Variants in LINGO2 observed in about 807,000 individuals in gnomAD.
LINGO2 encodes leucine-rich repeat and immunoglobulin-like domain-containing nogo receptor-interacting protein 2.
In LINGO2, 14 loss-of-function variants were observed where a neutral mutation model predicts 30.6. The ratio of observed to expected loss-of-function variants is 0.46; its 90% CI spans 0.30 to 0.72. The LOEUF (loss-of-function observed/expected upper bound fraction) is 0.72. Ranked by LOEUF, LINGO2 falls within the 30% of genes least tolerant of loss-of-function variation. The pLI is 0.07. For missense variants in LINGO2, 729 were observed against 751.7 expected (o/e 0.97, Z 0.35); for synonymous variants, 317 against 288.5 (o/e 1.10, Z -1.00).
At chr9:28,834,109 G>T in the LINGO2 span, among the ~76,000 whole-genome samples, 872 of 151,758 alleles carry the variant, frequency 5.7e-3, 7 homozygotes, top group African/African-American at 0.02. Flanking sequence ...TGATTAGGTA[G>T]ATTTAGAGAA....
At chr9:28,193,078 T>A (rs1396448404) in intron 4 of LINGO2, among the ~76,000 whole-genome samples, 1 of 152,184 alleles carries the variant, frequency 6.6e-6, no homozygotes, top group Non-Finnish European at 1.5e-5. Flanking sequence ...CCTAGAGGAA[T>A]CAAGATGAAA....
the LINGO2 span, among the ~76,000 whole-genome samples, chr9:28,851,684 A>G: frequency 2.0e-5 from 3 of 151,930 alleles, no homozygotes; most frequent in African/African-American, 7.3e-5. Context: ...GCCATTATTT[A>G]ATATAACTTT....
chr9:28,973,458 G>C, the LINGO2 span, among the ~76,000 whole-genome samples: 1 of 152,152 alleles, frequency 6.6e-6, no homozygotes, highest in Admixed American at 6.5e-5. Flanking sequence ...GCCAGGTGGA[G>C]ATAATTGAAT....
chr9:29,054,954 C>T, the LINGO2 span, among the ~76,000 whole-genome samples: 4 of 151,994 alleles, frequency 2.6e-5, no homozygotes, highest in South Asian at 4.1e-4. Flanking sequence ...TGCGGTGGAT[C>T]GCGCCTGTAA....
At chr9:29,147,436 A>G in the LINGO2 span, among the ~76,000 whole-genome samples, 1 of 152,144 alleles carries the variant, frequency 6.6e-6, no homozygotes, top group Non-Finnish European at 1.5e-5. Context: ...ATTTAGGAAA[A>G]GCATTCTCCT....
At chr9:28,133,477 A>C (rs975090976) in intron 4 of LINGO2, among the ~76,000 whole-genome samples, 1 of 152,154 alleles carries the variant, frequency 6.6e-6, no homozygotes, top group African/African-American at 2.4e-5. Context: ...TAGAGATATA[A>C]AGTTAAAGTT....
chr9:28,267,005 T>C (rs1822775036), intron 4 of LINGO2, among the ~76,000 whole-genome samples: 1 of 152,050 alleles, frequency 6.6e-6, no homozygotes, highest in African/African-American at 2.4e-5. Context: ...TTGTTACTCA[T>C]GGTTCCAGGG....
At chr9:28,590,668 G>T (rs2135704208) in intron 1 of LINGO2, among the ~76,000 whole-genome samples, 1 of 152,232 alleles carries the variant, frequency 6.6e-6, no homozygotes, top group African/African-American at 2.4e-5. Flanking sequence ...ACAGGTGCTG[G>T]AGAGGATGTG....
chr9:29,030,675 C>T, the LINGO2 span, among the ~76,000 whole-genome samples: 1 of 152,054 alleles, frequency 6.6e-6, no homozygotes, highest in East Asian at 1.9e-4. Flanking sequence ...ACTGTCTTAC[C>T]AATGGTAATA....
At chr9:28,987,148 C>T in the LINGO2 span, among the ~76,000 whole-genome samples, 1 of 146,256 alleles carries the variant, frequency 6.8e-6, no homozygotes, top group African/African-American at 2.5e-5. Flanking sequence ...CCATAAGAAG[C>T]ATTCAGCAGT....
chr9:28,372,479 A>G (rs1163439653), intron 3 of LINGO2, among the ~76,000 whole-genome samples: 1 of 152,194 alleles, frequency 6.6e-6, no homozygotes, highest in Non-Finnish European at 1.5e-5. Flanking sequence ...GAAATAGAGA[A>G]TAGAATGGTG....
intron 4 of LINGO2, among the ~76,000 whole-genome samples, chr9:28,038,912 G>T (rs1260576343): frequency 4.6e-5 from 7 of 152,112 alleles, no homozygotes; most frequent in African/African-American, 1.4e-4. Context: ...ATAGTTGTTC[G>T]CTCTCTAGAA....
chr9:28,558,063 G>T (rs1193348205), intron 1 of LINGO2, among the ~76,000 whole-genome samples: 1 of 150,326 alleles, frequency 6.7e-6, no homozygotes, highest in Non-Finnish European at 1.5e-5. Flanking sequence ...GAGTTAGTGG[G>T]TGCAGCACAC....
intron 2 of LINGO2, among the ~76,000 whole-genome samples, chr9:28,420,822 C>T (rs927023902): frequency 1.3e-5 from 2 of 152,008 alleles, no homozygotes; most frequent in African/African-American, 4.8e-5. Flanking sequence ...GGAGAACTGA[C>T]TTGGAATACC....
the LINGO2 span, among the ~76,000 whole-genome samples, chr9:28,896,143 G>A: frequency 6.6e-6 from 1 of 152,154 alleles, no homozygotes; most frequent in Admixed American, 6.5e-5. Context: ...AGGCTGAAAA[G>A]TGTGAACTGA....
intron 1 of LINGO2, among the ~76,000 whole-genome samples, chr9:28,628,831 C>A (rs1397839233): frequency 6.6e-6 from 1 of 152,082 alleles, no homozygotes; most frequent in Non-Finnish European, 1.5e-5. Flanking sequence ...TGATTTTGTA[C>A]TAATAGCTGA....
chr9:28,980,843 C>T, the LINGO2 span, among the ~76,000 whole-genome samples: 14 of 152,016 alleles, frequency 9.2e-5, no homozygotes, highest in African/African-American at 3.1e-4. Flanking sequence ...TATCCCCCTA[C>T]CCTATATGAA....
chr9:27,997,188 G>A (rs1430065447), intron 5 of LINGO2, among the ~76,000 whole-genome samples: 1 of 152,112 alleles, frequency 6.6e-6, no homozygotes, highest in Non-Finnish European at 1.5e-5. Flanking sequence ...ATTGGTAACT[G>A]GGTCAAATGC....
intron 1 of LINGO2, among the ~76,000 whole-genome samples, chr9:28,517,571 G>A (rs970682101): frequency 6.6e-6 from 1 of 152,078 alleles, no homozygotes; most frequent in African/African-American, 2.4e-5. Flanking sequence ...CTTAAAAACT[G>A]GTAAATTGCA....
Sources: gnomAD v4.1 joint callset for allele counts (sites outside exome capture counted in the v4.1 genomes callset) on GRCh38, gnomAD v4.1.1 for gene constraint, MANE v1.5 for transcripts, NCBI Gene and HGNC (gene_info 2026-07-23, HGNC 2026-07-21) for gene names.